PDE7B: variants seen among roughly 807,000 people sequenced by gnomAD.
PDE7B encodes the protein phosphodiesterase 7B, also known as 3',5'-cyclic-AMP phosphodiesterase 7B.
In PDE7B, 29 loss-of-function variants were observed where a neutral mutation model predicts 56.2. That is an observed-to-expected ratio of 0.52 (90% CI 0.38 to 0.70). The LOEUF is 0.70. Among genes scored for constraint, PDE7B ranks in the 30% least tolerant of loss-of-function variants. The pLI is 0.00. For synonymous variants in PDE7B, 197 were observed against 196.9 expected (o/e 1.00, Z 0.00); for missense variants, 490 against 565.0 (o/e 0.87, Z 1.35).
chr6:136,014,977 A>T (rs951093096), intron 2 of PDE7B, among the ~76,000 whole-genome samples: 5 of 152,230 alleles, frequency 3.3e-5, no homozygotes, highest in Admixed American at 1.3e-4. Flanking sequence ...ATTCTGAAAA[A>T]TTACGTTGAA....
Position 135,881,538 on chromosome 6 carries a change from A to G in PDE7B, c.21+29519A>G, listed in dbSNP as rs145565707. Among the ~76,000 whole-genome samples, 363 of 152,204 alleles carry G rather than the reference A, an allele frequency of 2.4e-3. 1 individual carries two copies. The highest frequency in any genetic ancestry group is 8.4e-3 in the African/African-American group (348 of 41,536). On this transcript the variant is annotated intron_variant, in intron 1 of 12. Coordinates refer to ENST00000308191, the MANE Select transcript of PDE7B (RefSeq NM_018945.4). The stretch of plus-strand genomic sequence containing the variant: ...AAAGAAATAGTAAGGTCAGTGTTGG[A>G]GTCTGCATGCTAATAGGCAGGTCCC...
chr6:135,945,266 T>G (rs1461393522), intron 1 of PDE7B, among the ~76,000 whole-genome samples: 1 of 152,170 alleles, frequency 6.6e-6, no homozygotes, highest in Non-Finnish European at 1.5e-5. Context: ...ATGTTACTTA[T>G]GAAGAAATGA....
At chr6:135,963,170 A>G (rs1367649104) in intron 2 of PDE7B, among the ~76,000 whole-genome samples, 6 of 152,208 alleles carry the variant, frequency 3.9e-5, no homozygotes, top group East Asian at 3.9e-4. Flanking sequence ...ATGGAGACAC[A>G]GCCTGCCTCT....
chr6:136,079,293 A>G lies in PDE7B; in HGVS notation c.83-29438A>G, dbSNP rs78076522. Reference sequence around the variant, plus strand: ...ACTCTGGCTTTGTTCTCCGTTTGAAAAACCGTCACTTTATAGGCTTAATAT... The same window carrying G: ...ACTCTGGCTTTGTTCTCCGTTTGAAGAACCGTCACTTTATAGGCTTAATAT... On this transcript the variant is annotated intron_variant, in intron 2 of 12. Coordinates refer to ENST00000308191, the MANE Select transcript of PDE7B (RefSeq NM_018945.4). 9.5e-3 allele frequency among the ~76,000 whole-genome samples: 1,444 copies of G among 152,290 alleles called. 31 individuals carry two copies. The highest frequency in any genetic ancestry group is 0.032 in the African/African-American group (1,312 of 41,558).
At chr6:135,977,011 T>C (rs531706371) in intron 2 of PDE7B, among the ~76,000 whole-genome samples, 88 of 152,248 alleles carry the variant, frequency 5.8e-4, no homozygotes, top group Admixed American at 1.1e-3. Context: ...CTGTGTATTC[T>C]GAGAGAGCTT....
chr6:136,142,460 G>A (rs1309563844), intron 3 of PDE7B, among the ~76,000 whole-genome samples: 2 of 152,192 alleles, frequency 1.3e-5, no homozygotes, highest in Non-Finnish European at 2.9e-5. Context: ...TTCTGTAGAT[G>A]TCTATTAGGT....
At chr6:135,900,340 T>A (rs551833693) in intron 1 of PDE7B, among the ~76,000 whole-genome samples, 1 of 152,282 alleles carries the variant, frequency 6.6e-6, no homozygotes, top group African/African-American at 2.4e-5. Context: ...GTGGGTTTTT[T>A]ATATGTTCTT....
Position 136,195,048 on chromosome 6 carries a change from C to A in PDE7B, c.*3208C>A, listed in dbSNP as rs1425621944. 6.6e-6 allele frequency: 1 copy of A among 152,190 alleles called. No homozygotes were observed. Among genetic ancestry groups the A allele is most frequent in the African/African-American group, 2.4e-5 (1 of 41,436 alleles). 9.4% of individuals were successfully genotyped at this position (152,190 alleles called of 1,614,324 possible). On this transcript the variant is annotated 3_prime_UTR_variant, in exon 13 of 13. Coordinates refer to ENST00000308191, the MANE Select transcript of PDE7B (RefSeq NM_018945.4). Reference sequence around the variant, plus strand: ...GAATCAAAGGACTGTGTGTAGTAAGCTGACGGTAAAGTTAAGATTAAATTA... The same window carrying A: ...GAATCAAAGGACTGTGTGTAGTAAGATGACGGTAAAGTTAAGATTAAATTA...
chr6:135,897,927 C>T (rs1034567897), intron 1 of PDE7B, among the ~76,000 whole-genome samples: 3 of 152,250 alleles, frequency 2.0e-5, no homozygotes, highest in South Asian at 2.1e-4. Context: ...GAGCTTCTTG[C>T]GCTGCAAGAC....
At chr6:136,177,842 A>T (rs1461639045) in intron 9 of PDE7B, among the ~76,000 whole-genome samples, 1 of 152,216 alleles carries the variant, frequency 6.6e-6, no homozygotes, top group Non-Finnish European at 1.5e-5. Context: ...CTTTTTTCAT[A>T]GTAGCCAAAC....
intron 1 of PDE7B, among the ~76,000 whole-genome samples, chr6:135,935,190 T>TTTTTTATATATATATATATATA (rs1436649469): frequency 2.8e-5 from 1 of 36,192 alleles, no homozygotes; most frequent in African/African-American, 1.2e-4. Flanking sequence ...ATATATTTAT[T>TTTTTTATATATATATATATATA]TATATATATA....
chr6:136,163,512 A>T (rs1346611046), intron 8 of PDE7B, among the ~76,000 whole-genome samples: 1 of 152,188 alleles, frequency 6.6e-6, no homozygotes, highest in Non-Finnish European at 1.5e-5. Context: ...GCTGCCATGG[A>T]GGTCTTAGAC....
chr6:136,191,504 T>A, intron 12 of PDE7B, 110 bp from the exon 13 acceptor site: 1 of 896,458 alleles, frequency 1.1e-6, no homozygotes, highest in East Asian at 2.6e-5. Context: ...CCATCTCTAC[T>A]AAAGATACAA....
chr6:135,911,977 A>G (rs998383719), intron 1 of PDE7B, among the ~76,000 whole-genome samples: 47 of 152,350 alleles, frequency 3.1e-4, no homozygotes, highest in South Asian at 1.4e-3. Context: ...CAAAGTACAC[A>G]TGGAATATTT....
chr6:135,917,277 AT>A (rs895751640), intron 1 of PDE7B, among the ~76,000 whole-genome samples: 1 of 151,608 alleles, frequency 6.6e-6, no homozygotes. Context: ...GTCTGCAGGG[AT>A]TTTTTTCAAC....
chr6:135,896,606 G>A (rs1309008263), intron 1 of PDE7B, among the ~76,000 whole-genome samples: 3 of 152,066 alleles, frequency 2.0e-5, no homozygotes, highest in African/African-American at 7.2e-5. Context: ...TGTTGCAACT[G>A]TAAAGTGTAT....
intron 3 of PDE7B, among the ~76,000 whole-genome samples, chr6:136,134,132 T>C (rs1291644677): frequency 6.6e-6 from 1 of 151,908 alleles, no homozygotes; most frequent in Non-Finnish European, 1.5e-5. Flanking sequence ...GTAGGTGAGA[T>C]AGATTGAAAG....
At chr6:136,129,628 C>A (rs1234452524) in intron 3 of PDE7B, among the ~76,000 whole-genome samples, 1 of 152,170 alleles carries the variant, frequency 6.6e-6, no homozygotes, top group African/African-American at 2.4e-5. Flanking sequence ...TCATCAGCAC[C>A]CAGCCCAGTG....
intron 1 of PDE7B, among the ~76,000 whole-genome samples, chr6:135,858,213 C>G (rs1326111395): frequency 2.0e-5 from 3 of 151,946 alleles, no homozygotes; most frequent in Admixed American, 2.0e-4. Flanking sequence ...AGTGAAGTGG[C>G]ACGATCTTGT....
Sources: allele counts gnomAD v4.1 joint callset (sites outside exome capture counted in the v4.1 genomes callset), GRCh38; gene constraint gnomAD v4.1.1; transcripts MANE v1.5; gene names NCBI Gene and HGNC (gene_info 2026-07-23, HGNC 2026-07-21).